CARD9: variants seen among roughly 807,000 people sequenced by gnomAD.
CARD9 encodes caspase recruitment domain-containing protein 9.
In CARD9, 53 loss-of-function variants were observed where a neutral mutation model predicts 66.0. The observed-to-expected ratio is 0.80, with a 90% CI of 0.64 to 1.01. The LOEUF (loss-of-function observed/expected upper bound fraction) is 1.01, where lower values mean the gene tolerates loss of function less well. Among genes scored for constraint, CARD9 ranks in the 50% least tolerant of loss-of-function variants. CARD9 has a pLI of 0.00. For missense variants in CARD9, 769 were observed against 743.2 expected (o/e 1.03, Z -0.40); for synonymous variants, 387 against 313.8 (o/e 1.23, Z -2.47).
chr9:136,367,541 G>C (rs1381956283), intron 8 of CARD9, 96 bp downstream of exon 8: 1 of 1,409,138 alleles, frequency 7.1e-7, no homozygotes, highest in Non-Finnish European at 9.6e-7. Context: ...TCACAGAGAA[G>C]GGTTGGGTCG....
chr9:136,365,151 C>CG lies in CARD9; in HGVS notation c.1423dup (p.Arg475ProfsTer5). 6.2e-7 allele frequency: 1 copy of CG among 1,612,116 alleles called. No homozygotes were observed. Among genetic ancestry groups the CG allele is most frequent in the Non-Finnish European group, 8.5e-7 (1 of 1,179,872 alleles). On this transcript the variant is annotated frameshift_variant, in exon 11 of 13. Coordinates refer to ENST00000371732, the MANE Select transcript of CARD9 (RefSeq NM_052813.5). LOFTEE classifies it high-confidence loss of function. ...CCGGGGAAGCCTTACATGGGGGTTC[C>CG]GCAAAACCTGCTCCTGGTGCAGAGC... is the stretch of plus-strand genomic sequence containing the variant.
chr9:136,370,904 G>A lies in CARD9; in HGVS notation c.564C>T (p.Arg188=). The A allele has an allele frequency of 2.5e-6, 4 of 1,610,874 alleles. No individual in the cohort carries two copies. Among genetic ancestry groups the A allele is most frequent in the Non-Finnish European group, 3.4e-6 (4 of 1,178,540 alleles). The change falls in exon 4 of 13, where the codon CGC becomes CGT. Residue 188 remains arginine (R), a synonymous_variant. Transcript: ENST00000371732. ...CKEENYDLAM[R]LAHQSEEKGA... is the part of the protein sequence containing the mutation. ...CCTTCTCCTCACTCTGGTGCGCCAGGCGCATGGCCAGGTCGTAGTTCTCCT... is the reference window on the plus strand; with the variant it reads ...CCTTCTCCTCACTCTGGTGCGCCAGACGCATGGCCAGGTCGTAGTTCTCCT...
intron 1 of CARD9, among the ~76,000 whole-genome samples, 199 bp downstream of exon 1, chr9:136,373,333 G>C (rs1426898661): frequency 6.6e-6 from 1 of 152,226 alleles, no homozygotes; most frequent in Non-Finnish European, 1.5e-5. Context: ...GAAATGCAGG[G>C]TCCCATCTGC....
chr9:136,371,602 G>T, intron 2 of CARD9, 141 bp from the exon 3 acceptor site: 2 of 1,360,020 alleles, frequency 1.5e-6, no homozygotes, highest in Non-Finnish European at 9.9e-7. Context: ...GAGGTACCCT[G>T]CGGGTCTTGG....
chr9:136,367,128 G>A (rs769273063), intron 9 of CARD9, 88 bp downstream of exon 9: 80 of 1,433,386 alleles, frequency 5.6e-5, no homozygotes, highest in South Asian at 1.4e-4. Flanking sequence ...GCCATGTGAC[G>A]GGCAGTGTGG....
chr9:136,366,258 G>A (rs372068704), intron 10 of CARD9: 31 of 164,912 alleles, frequency 1.9e-4, no homozygotes, highest in Non-Finnish European at 3.7e-4. Context: ...TGCCCTGCCC[G>A]CTAGAAGCCC....
intron 7 of CARD9, 90 bp downstream of exon 7, chr9:136,369,660 A>T (rs1178296682): frequency 6.5e-7 from 1 of 1,530,808 alleles, no homozygotes; most frequent in Non-Finnish European, 8.8e-7. Flanking sequence ...ACAAAGATTA[A>T]AAATCCTCTG....
In CARD9 at chr9:136,367,281, G is replaced by T. The variant is rs144758491; in HGVS notation, c.1270-24C>A. 47 of 1,611,914 alleles carry T rather than the reference G, an allele frequency of 2.9e-5. No homozygotes were observed. In the African/African-American group the frequency reaches 6.3e-4, roughly 21 times the overall value. On this transcript the variant is annotated intron_variant, in intron 8 of 12. Transcript: ENST00000371732. The stretch of plus-strand genomic sequence containing the variant: ...CTCTGTGGTCATAGAAAATGGGGTG[G>T]GTGGGCTGTGAGGGCAGAGGGCTCC...
At chr9:136,367,970 G>A (rs1833167864) in intron 7 of CARD9, 142 bp from the exon 8 acceptor site, 1 of 1,436,444 alleles carries the variant, frequency 7.0e-7, no homozygotes, top group Non-Finnish European at 9.1e-7. Context: ...CCCTCCATTT[G>A]TGTGCTCTGC....
intron 2 of CARD9, 63 bp downstream of exon 2, chr9:136,371,832 A>G (rs1833282843): frequency 1.9e-6 from 3 of 1,549,980 alleles, no homozygotes; most frequent in South Asian, 1.2e-5. Context: ...CAGAGCGTGC[A>G]GCCACCTCCG....
intron 9 of CARD9, among the ~76,000 whole-genome samples, 174 bp from the exon 10 acceptor site, chr9:136,367,019 G>A (rs1209288165): frequency 6.6e-6 from 1 of 152,226 alleles, no homozygotes; most frequent in African/African-American, 2.4e-5. Context: ...CGGCCAGGAG[G>A]TGGGCACTGT....
intron 3 of CARD9, 45 bp downstream of exon 3, chr9:136,371,279 C>G: frequency 6.3e-7 from 1 of 1,582,396 alleles, no homozygotes; most frequent in South Asian, 1.1e-5. Flanking sequence ...CTGCCCGCTC[C>G]CCGCCAGCGC....
At chr9:136,365,056 G>A in intron 11 of CARD9, 85 bp downstream of exon 11, 2 of 1,359,226 alleles carry the variant, frequency 1.5e-6, no homozygotes, top group Non-Finnish European at 1.0e-6. Flanking sequence ...ACCGCAGGGG[G>A]TGCCCAGGGC....
At chr9:136,369,966 G>A in intron 6 of CARD9, 91 bp from the exon 7 acceptor site, 3 of 1,584,188 alleles carry the variant, frequency 1.9e-6, no homozygotes, top group Non-Finnish European at 2.6e-6. Context: ...AGAAGCATGT[G>A]GTCAGGCCAG....
chr9:136,371,194 G>T, intron 3 of CARD9, 49 bp from the exon 4 acceptor site: 1 of 1,603,354 alleles, frequency 6.2e-7, no homozygotes, highest in Non-Finnish European at 8.5e-7. Flanking sequence ...CGGTGGCCCA[G>T]CTCCATCACG....
intron 11 of CARD9, 28 bp from the exon 12 acceptor site, chr9:136,364,587 G>C (rs758466469): frequency 3.3e-6 from 5 of 1,532,758 alleles, no homozygotes; most frequent in Non-Finnish European, 4.4e-6. Context: ...CTCGGGCTCC[G>C]GCCGGCTCCC....
At position 136,371,465 on chromosome 9, in the gene CARD9, C is replaced by A. The variant is rs536158625; in HGVS notation, c.185-4G>T. ...TGCAGGATGTCCAGGAGCACACCTGCGGGCCAGAGAGGCCTAACTGGGGGC... is the reference window on the plus strand; with the variant it reads ...TGCAGGATGTCCAGGAGCACACCTGAGGGCCAGAGAGGCCTAACTGGGGGC... On this transcript the variant is annotated splice_region_variant and splice_polypyrimidine_tract_variant and intron_variant, in intron 2 of 12. Coordinates refer to ENST00000371732, the MANE Select transcript of CARD9 (RefSeq NM_052813.5). The A allele has an allele frequency of 3.0e-6, 4 of 1,345,158 alleles. No homozygotes were observed. The highest frequency in any genetic ancestry group is 1.2e-5 in the South Asian group (1 of 83,348). The allele number at this position is 1,345,158 out of a possible 1,614,324, so 83.3% of individuals were successfully genotyped here. A position where few individuals can be genotyped will look rare whatever the true frequency, so the allele number is the denominator to read the frequency against.
At position 136,371,063 on chromosome 9, in the gene CARD9, C is replaced by A. The variant is rs1450027448; in HGVS notation, c.405G>T (p.Ala135=). 1.2e-6 allele frequency: 2 copies of A among 1,612,626 alleles called. No homozygotes were observed. The highest frequency in any genetic ancestry group is 8.5e-7 in the Non-Finnish European group (1 of 1,179,910). ...KLQKKVQDLT[A]LLSSKDDFIK... is the part of the protein sequence containing the mutation. Reference sequence around the variant, plus strand: ...TGAAGTCATCTTTGGAGCTCAGCAGCGCGGTCAGGTCCTGCACCTTCTTCT... The same window carrying A: ...TGAAGTCATCTTTGGAGCTCAGCAGAGCGGTCAGGTCCTGCACCTTCTTCT... The change falls in exon 4 of 13, where the codon GCG becomes GCT. Residue 135 remains alanine, a synonymous_variant. Coordinates refer to ENST00000371732, the MANE Select transcript of CARD9 (RefSeq NM_052813.5).
chr9:136,367,007 G>A (rs1480877582), intron 9 of CARD9, among the ~76,000 whole-genome samples, 162 bp from the exon 10 acceptor site: 1 of 152,206 alleles, frequency 6.6e-6, no homozygotes, highest in Non-Finnish European at 1.5e-5. Context: ...ACGGACATTG[G>A]GCGGCCAGGA....
Sources: gnomAD v4.1 joint callset for allele counts (sites outside exome capture counted in the v4.1 genomes callset) on GRCh38, gnomAD v4.1.1 for gene constraint, MANE v1.5 for transcripts, NCBI Gene and HGNC (gene_info 2026-07-23, HGNC 2026-07-21) for gene names.